GREM2: variants seen among roughly 807,000 people sequenced by gnomAD.
GREM2 encodes gremlin 2, DAN family BMP antagonist, also known as gremlin-2.
In GREM2, 11 loss-of-function variants were observed where a neutral mutation model predicts 14.2. That is an observed-to-expected ratio of 0.78 (90% CI 0.49 to 1.28). The LOEUF is 1.28. Among genes scored for constraint, GREM2 ranks in the 50% most tolerant of loss-of-function variants. The pLI is 0.00. For missense variants in GREM2, 210 were observed against 218.5 expected (o/e 0.96, Z 0.24); for synonymous variants, 98 against 97.6 (o/e 1.00, Z -0.02).
At chr1:240,523,929 A>G (rs1465228939) in intron 1 of GREM2, among the ~76,000 whole-genome samples, 2 of 152,228 alleles carry the variant, frequency 1.3e-5, no homozygotes, top group Non-Finnish European at 2.9e-5. Flanking sequence ...TCATTTCCAC[A>G]TTAAAAGGTT....
intron 1 of GREM2, among the ~76,000 whole-genome samples, chr1:240,588,074 C>T (rs1172043243): frequency 6.6e-6 from 1 of 152,150 alleles, no homozygotes; most frequent in African/African-American, 2.4e-5. Flanking sequence ...CACAGGGGCA[C>T]TCCTTAACCA....
At chr1:240,604,307 GTA>G (rs1282987762) in intron 1 of GREM2, among the ~76,000 whole-genome samples, 16 of 72,650 alleles carry the variant, frequency 2.2e-4, no homozygotes, top group South Asian at 5.8e-4. Context: ...ATAACTATAC[GTA>G]TGTGTGTGTG....
In GREM2 at chr1:240,520,912, C is replaced by CAA. The variant is rs200953017; in HGVS notation, c.-1-27438_-1-27437dup. Among the ~76,000 whole-genome samples, 575 of 89,084 alleles carry CAA rather than the reference C, an allele frequency of 6.5e-3. 2 individuals carry two copies. The highest frequency in any genetic ancestry group is 0.021 in the African/African-American group (484 of 22,984). The allele number at this position is 89,084 out of a possible 152,430, so 58.4% of individuals were successfully genotyped here. On this transcript the variant is annotated intron_variant, in intron 1 of 1. Coordinates refer to ENST00000318160, the MANE Select transcript of GREM2 (RefSeq NM_022469.4). Reference sequence around the variant, plus strand: ...TGGTATGATATTTTGTCTTCATGGGCAAAAAAAAAAAAAAAAGCATTTTAG... The same window carrying CAA: ...TGGTATGATATTTTGTCTTCATGGGCAAAAAAAAAAAAAAAAAAGCATTTTAG...
chr1:240,563,205 GTGAGTGTGTGTT>G (rs944621330), intron 1 of GREM2, among the ~76,000 whole-genome samples: 7 of 150,112 alleles, frequency 4.7e-5, no homozygotes, highest in South Asian at 2.1e-4. Flanking sequence ...GTGTGTGTAA[GTGAGTGTGTGTT>G]TGAGTGTGCG....
At chr1:240,524,520 T>C (rs989604269) in intron 1 of GREM2, among the ~76,000 whole-genome samples, 59 of 152,362 alleles carry the variant, frequency 3.9e-4, no homozygotes, top group African/African-American at 1.4e-3. Context: ...TTACAATAAA[T>C]GGTGTTGGGA....
intron 1 of GREM2, among the ~76,000 whole-genome samples, chr1:240,575,356 C>A: frequency 6.7e-6 from 1 of 148,700 alleles, no homozygotes; most frequent in Admixed American, 6.8e-5. Flanking sequence ...GTTGCAAAGC[C>A]AAATAGTTCT....
intron 1 of GREM2, among the ~76,000 whole-genome samples, chr1:240,544,469 G>C (rs1447376456): frequency 3.9e-5 from 6 of 152,088 alleles, no homozygotes; most frequent in Admixed American, 3.9e-4. Flanking sequence ...TTTTATATGA[G>C]AGACTTGAGA....
chr1:240,507,987 G>A (rs902370875), intron 1 of GREM2, among the ~76,000 whole-genome samples: 1 of 152,152 alleles, frequency 6.6e-6, no homozygotes, highest in Non-Finnish European at 1.5e-5. Flanking sequence ...ACAGCATTGG[G>A]AACCCAAGAT....
chr1:240,542,639 T>C lies in GREM2; in HGVS notation c.-1-49163A>G, dbSNP rs201156354. 6.6e-6 allele frequency among the ~76,000 whole-genome samples: 1 copy of C among 151,476 alleles called. No homozygotes were observed. Among genetic ancestry groups the C allele is most frequent in the Non-Finnish European group, 1.5e-5 (1 of 67,884 alleles). The stretch of plus-strand genomic sequence containing the variant: ...AAAAATAAATAAATAAATAAATAAA[T>C]AAAAATTTCTAAAGAGCTGATATAT... On this transcript the variant is annotated intron_variant, in intron 1 of 1. Coordinates refer to ENST00000318160, the MANE Select transcript of GREM2 (RefSeq NM_022469.4). The surrounding 1 kb of genome is among the most constrained non-coding windows in gnomAD (Gnocchi z 4.1).
At chr1:240,532,461 T>A (rs145867235) in intron 1 of GREM2, among the ~76,000 whole-genome samples, 263 of 152,276 alleles carry the variant, frequency 1.7e-3, no homozygotes, top group African/African-American at 5.6e-3. Flanking sequence ...TTTCCCAAAG[T>A]TAACCAAAGT....
intron 1 of GREM2, among the ~76,000 whole-genome samples, chr1:240,533,951 T>G (rs1678417191): frequency 6.6e-6 from 1 of 152,176 alleles, no homozygotes; most frequent in African/African-American, 2.4e-5. Flanking sequence ...CTATTAAATA[T>G]GTAAGGTAAG....
chr1:240,518,637 C>G (rs16840292), intron 1 of GREM2, among the ~76,000 whole-genome samples: 12,309 of 152,192 alleles, frequency 0.081, 1,679 homozygotes, highest in African/African-American at 0.28. Flanking sequence ...ACAGATAATT[C>G]TATTTGAAAA....
chr1:240,578,391 G>C (rs1425493938), intron 1 of GREM2, among the ~76,000 whole-genome samples: 1 of 151,606 alleles, frequency 6.6e-6, no homozygotes, highest in African/African-American at 2.4e-5. Context: ...CTCCCAAAAT[G>C]CTGGGATTAC....
intron 1 of GREM2, among the ~76,000 whole-genome samples, chr1:240,562,851 T>A (rs551558790): frequency 6.8e-6 from 1 of 146,980 alleles, no homozygotes; most frequent in Non-Finnish European, 1.5e-5. Flanking sequence ...TGAGTGTGTA[T>A]GTGTGTATGT....
intron 1 of GREM2, among the ~76,000 whole-genome samples, chr1:240,524,868 T>A (rs2103307558): frequency 6.6e-6 from 1 of 152,268 alleles, no homozygotes; most frequent in African/African-American, 2.4e-5. Context: ...GACCTCATGA[T>A]AATGATGTTG....
chr1:240,531,707 T>A, intron 1 of GREM2: 1 of 893,870 alleles, frequency 1.1e-6, no homozygotes, highest in Non-Finnish European at 1.3e-6. Context: ...CTTTTCTTTT[T>A]CTTCTTCTTT....
intron 1 of GREM2, among the ~76,000 whole-genome samples, chr1:240,499,088 C>A (rs1304538240): frequency 2.6e-5 from 4 of 152,232 alleles, no homozygotes; most frequent in Non-Finnish European, 5.9e-5. Context: ...TCACAGGCCC[C>A]TTCTATCAGC....
chr1:240,600,576 C>A (rs1294121507), intron 1 of GREM2, among the ~76,000 whole-genome samples: 1 of 152,022 alleles, frequency 6.6e-6, no homozygotes, highest in Non-Finnish European at 1.5e-5. Flanking sequence ...CTCCACCTCC[C>A]AGGCTCAAGC....
intron 1 of GREM2, among the ~76,000 whole-genome samples, chr1:240,560,061 G>A (rs1174941231): frequency 1.3e-5 from 2 of 152,144 alleles, no homozygotes; most frequent in African/African-American, 4.8e-5. Flanking sequence ...AGAGGTGGGA[G>A]CATCCCTTGA....
Sources: gnomAD v4.1 joint callset for allele counts (sites outside exome capture counted in the v4.1 genomes callset) on GRCh38, gnomAD v4.1.1 for gene constraint, Gnocchi (gnomAD v3.1) non-coding constraint, MANE v1.5 for transcripts, NCBI Gene and HGNC (gene_info 2026-07-23, HGNC 2026-07-21) for gene names.